SORT1: variants seen among roughly 807,000 people sequenced by gnomAD.
SORT1 encodes sortilin.
SORT1 carries 39 observed loss-of-function variants against 101.7 expected under a neutral mutation model. The ratio of observed to expected loss-of-function variants is 0.38; its 90% CI spans 0.30 to 0.50. The LOEUF is 0.50. SORT1 is among the 20% of genes least tolerant of loss of function. The pLI, the probability that SORT1 is intolerant of heterozygous loss-of-function variation, is 0.90. For missense variants in SORT1, 878 were observed against 1,040.4 expected (o/e 0.84, Z 2.15); for synonymous variants, 396 against 393.7 (o/e 1.01, Z -0.07).
Position 109,326,462 on chromosome 1 carries a change from TATACATACACAC to T in SORT1, c.1643+518_1643+529del, listed in dbSNP as rs1327810920. Among the ~76,000 whole-genome samples, 71 of 62,972 alleles carry T rather than the reference TATACATACACAC, an allele frequency of 1.1e-3. 1 individual carries two copies. Among genetic ancestry groups the T allele is most frequent in the Non-Finnish European group, 6.8e-4 (23 of 33,988 alleles). 41.3% of individuals were successfully genotyped at this position (62,972 alleles called of 152,430 possible). ...ATATATATATATATATATATATATA[TATACATACACAC>T]ACACACACACATATATATACACACA... On this transcript the variant is annotated intron_variant, in intron 13 of 19. Transcript: ENST00000256637.
intron 3 of SORT1, 93 bp downstream of exon 3, chr1:109,367,315 T>C: frequency 1.4e-6 from 1 of 710,254 alleles, no homozygotes; most frequent in Non-Finnish European, 2.4e-6. Context: ...ATCTTTTACA[T>C]CAACTGTTAC....
intron 11 of SORT1, among the ~76,000 whole-genome samples, chr1:109,334,755 T>C (rs1648695325): frequency 6.6e-6 from 1 of 152,296 alleles, no homozygotes; most frequent in South Asian, 2.1e-4. Context: ...ACAATGTATA[T>C]ATATATCAAA....
intron 11 of SORT1, among the ~76,000 whole-genome samples, chr1:109,335,262 C>T (rs535447176): frequency 3.6e-4 from 55 of 152,272 alleles, no homozygotes; most frequent in African/African-American, 1.1e-3. Flanking sequence ...AGAGCCACAA[C>T]GAGCGCTGGG....
chr1:109,353,010 C>G (rs773211059), intron 5 of SORT1, among the ~76,000 whole-genome samples: 2 of 126,352 alleles, frequency 1.6e-5, no homozygotes, highest in Non-Finnish European at 3.3e-5. Flanking sequence ...AGCTAGTTTC[C>G]TTCCTCTGGC....
At chr1:109,369,310 G>C (rs1218682817) in intron 2 of SORT1, among the ~76,000 whole-genome samples, 1 of 152,066 alleles carries the variant, frequency 6.6e-6, no homozygotes, top group African/African-American at 2.4e-5. Context: ...CAACAAGAGC[G>C]AAACTCCGTC....
At chr1:109,344,350 A>T (rs983437470) in intron 8 of SORT1, among the ~76,000 whole-genome samples, 1 of 152,194 alleles carries the variant, frequency 6.6e-6, no homozygotes, top group Non-Finnish European at 1.5e-5. Flanking sequence ...CAACACAAGA[A>T]GAGTAAGGCC....
At chr1:109,335,880 C>T (rs1174232620) in intron 11 of SORT1, among the ~76,000 whole-genome samples, 1 of 152,222 alleles carries the variant, frequency 6.6e-6, no homozygotes. Context: ...CTGTGCACTG[C>T]TTATGAATGG....
At chr1:109,384,183 A>T (rs1652424184) in intron 1 of SORT1, among the ~76,000 whole-genome samples, 1 of 152,250 alleles carries the variant, frequency 6.6e-6, no homozygotes, top group Non-Finnish European at 1.5e-5. Flanking sequence ...TCCATGATTC[A>T]GATGCCTCAG....
At chr1:109,386,623 C>T (rs1264175526) in intron 1 of SORT1, among the ~76,000 whole-genome samples, 4 of 152,080 alleles carry the variant, frequency 2.6e-5, no homozygotes, top group Non-Finnish European at 5.9e-5. Flanking sequence ...GAGGCCCAGG[C>T]GGAAGGATCA....
chr1:109,387,290 C>T (rs778980945), intron 1 of SORT1, among the ~76,000 whole-genome samples: 99 of 151,930 alleles, frequency 6.5e-4, no homozygotes, highest in Non-Finnish European at 1.3e-3. Context: ...GAGACTCAGT[C>T]TCAAAAAATA....
Position 109,352,846 on chromosome 1 carries a change from A to G in SORT1, c.708+1521T>C, listed in dbSNP as rs535876661. Among the ~76,000 whole-genome samples, 58 of 152,324 alleles carry G rather than the reference A, an allele frequency of 3.8e-4. No individual in the cohort carries two copies. The South Asian group carries it at 9.7e-3, about 26-fold the overall frequency. ...TTCCTGAGGACAGTGCTGTTTTAAT[A>G]ACCCTGAGACACTTGGTAAGGAAGA... On this transcript the variant is annotated intron_variant, in intron 5 of 19. Transcript: ENST00000256637.
intron 6 of SORT1, among the ~76,000 whole-genome samples, chr1:109,349,779 A>G (rs936235142): frequency 6.6e-6 from 1 of 152,202 alleles, no homozygotes; most frequent in African/African-American, 2.4e-5. Flanking sequence ...CTCAAGAACA[A>G]GAACATTTCT....
chr1:109,331,905 A>G (rs1648480328), intron 11 of SORT1, among the ~76,000 whole-genome samples: 1 of 151,792 alleles, frequency 6.6e-6, no homozygotes, highest in African/African-American at 2.4e-5. Flanking sequence ...AAAAGAAATC[A>G]AGAAAATTTC....
chr1:109,336,539 G>A (rs1213036548), intron 10 of SORT1, among the ~76,000 whole-genome samples, 193 bp from the exon 11 acceptor site: 2 of 152,210 alleles, frequency 1.3e-5, no homozygotes, highest in Non-Finnish European at 2.9e-5. Flanking sequence ...CAGGTGCAGT[G>A]GTTCATGCCT....
At chr1:109,326,149 G>A (rs890597175) in intron 13 of SORT1, among the ~76,000 whole-genome samples, 22 of 149,546 alleles carry the variant, frequency 1.5e-4, no homozygotes, top group Admixed American at 4.6e-4. Flanking sequence ...ACCTCCTCAG[G>A]TGATCCTCCC....
intron 11 of SORT1, among the ~76,000 whole-genome samples, chr1:109,329,016 T>C (rs907218609): frequency 1.3e-5 from 2 of 152,036 alleles, no homozygotes; most frequent in South Asian, 2.1e-4. Flanking sequence ...CTGCCAGGCC[T>C]GCCGCAGAGG....
intron 2 of SORT1, among the ~76,000 whole-genome samples, chr1:109,369,091 C>T (rs926579612): frequency 2.6e-5 from 4 of 152,048 alleles, no homozygotes; most frequent in Non-Finnish European, 4.4e-5. Context: ...GAGGCTGAGG[C>T]GCGTGGATCA....
chr1:109,367,382 G>T, intron 3 of SORT1, 26 bp downstream of exon 3: 3 of 1,341,174 alleles, frequency 2.2e-6, no homozygotes, highest in Non-Finnish European at 3.2e-6. Flanking sequence ...TTAGTGAAAT[G>T]CTCCAACGCG....
intron 11 of SORT1, among the ~76,000 whole-genome samples, chr1:109,327,903 T>C (rs1416863613): frequency 3.9e-5 from 6 of 152,250 alleles, no homozygotes; most frequent in Non-Finnish European, 7.3e-5. Flanking sequence ...GTGTTTTCTA[T>C]GATTTTTACC....
Sources: gnomAD v4.1 joint callset for allele counts (sites outside exome capture counted in the v4.1 genomes callset) on GRCh38, gnomAD v4.1.1 for gene constraint, MANE v1.5 for transcripts, NCBI Gene and HGNC (gene_info 2026-07-23, HGNC 2026-07-21) for gene names.